The following RORA variants were observed in gnomAD, a reference collection of about 807,000 sequenced individuals.
RORA encodes RAR related orphan receptor A.
RORA carries 7 observed loss-of-function variants against 69.5 expected under a neutral mutation model. The ratio of observed to expected loss-of-function variants is 0.10; its 90% CI spans 0.06 to 0.19. RORA has a LOEUF of 0.19. Ranked by LOEUF, RORA falls within the 10% of genes least tolerant of loss-of-function variation. The probability of loss-of-function intolerance (pLI) is 1.00; values close to 1 mark genes in which losing one functional copy is unlikely to be tolerated. For missense variants in RORA, 457 were observed against 663.0 expected, an observed-to-expected ratio of 0.69 and a Z score of 3.41; for synonymous variants, 261 against 240.8, an observed-to-expected ratio of 1.08 and a Z score of -0.78.
chr15:60,509,838 T>C (rs2065636867), intron 5 of RORA, among the ~76,000 whole-genome samples: 2 of 151,966 alleles, frequency 1.3e-5, no homozygotes, highest in South Asian at 2.1e-4. Context: ...GCTTGGCTTC[T>C]AGTTCAGAGG....
At chr15:60,625,066 G>A (rs2069538656) in intron 2 of RORA, among the ~76,000 whole-genome samples, 1 of 152,078 alleles carries the variant, frequency 6.6e-6, no homozygotes, top group Non-Finnish European at 1.5e-5. Context: ...AACCACCAAA[G>A]ACTAAAACCC....
intron 1 of RORA, among the ~76,000 whole-genome samples, chr15:60,970,967 G>T (rs573228683): frequency 1.7e-4 from 26 of 152,280 alleles, no homozygotes; most frequent in Non-Finnish European, 3.4e-4. Flanking sequence ...TATAGCAGGG[G>T]TTCAACTGAC....
chr15:60,797,017 T>C (rs2072508218), intron 1 of RORA, among the ~76,000 whole-genome samples: 1 of 148,190 alleles, frequency 6.7e-6, no homozygotes, highest in African/African-American at 2.4e-5. Context: ...ATATATTTTA[T>C]TTATATATTT....
At chr15:60,838,843 A>AACACACACACACACAC (rs58762022) in intron 1 of RORA, among the ~76,000 whole-genome samples, 1 of 122,084 alleles carries the variant, frequency 8.2e-6, no homozygotes, top group African/African-American at 3.2e-5. Flanking sequence ...ACATTCATTC[A>AACACACACACACACAC]ACACACACAC....
intron 1 of RORA, among the ~76,000 whole-genome samples, chr15:61,188,780 G>T (rs1289360335): frequency 6.6e-6 from 1 of 152,142 alleles, no homozygotes; most frequent in African/African-American, 2.4e-5. Flanking sequence ...TAGCAAAGAG[G>T]GGTCTCAAAA....
rs543353825 is a variant in RORA at position 60,978,961 on chromosome 15, C to CTTTTTTTTTTTTTTTTTTTT, written c.166+250091_166+250092insAAAAAAAAAAAAAAAAAAAA. Among the ~76,000 whole-genome samples, 15 of 95,144 alleles carry CTTTTTTTTTTTTTTTTTTTT rather than the reference C, an allele frequency of 1.6e-4. 4 individuals are homozygous for CTTTTTTTTTTTTTTTTTTTT. Among genetic ancestry groups the CTTTTTTTTTTTTTTTTTTTT allele is most frequent in the African/African-American group, 3.3e-4 (8 of 24,434 alleles). 62.4% of individuals were successfully genotyped at this position (95,144 alleles called of 152,430 possible). ...GAAGTGTGAGTCCTCCAACTTTGCT[C>CTTTTTTTTTTTTTTTTTTTT]TTTTTTTTTTTTTTTTTTGAGACGG... On this transcript the variant is annotated intron_variant, in intron 1 of 10. Coordinates refer to ENST00000335670, the MANE Select transcript of RORA (RefSeq NM_134261.3).
intron 1 of RORA, among the ~76,000 whole-genome samples, chr15:60,826,476 G>A (rs1420930212): frequency 6.6e-6 from 1 of 152,144 alleles, no homozygotes; most frequent in Non-Finnish European, 1.5e-5. Context: ...GGACTATTCA[G>A]GGACTGAGGC....
intron 1 of RORA, among the ~76,000 whole-genome samples, chr15:60,702,259 T>C (rs1158928963): frequency 6.6e-6 from 1 of 152,208 alleles, no homozygotes; most frequent in East Asian, 1.9e-4. Flanking sequence ...AGAGTCTCGC[T>C]CTGTCACCCA....
intron 1 of RORA, among the ~76,000 whole-genome samples, chr15:60,695,729 C>T (rs1001189171): frequency 7.2e-5 from 11 of 152,076 alleles, no homozygotes; most frequent in South Asian, 2.1e-4. Flanking sequence ...TCCTGCCTCG[C>T]GCCCCCACGT....
intron 1 of RORA, among the ~76,000 whole-genome samples, chr15:60,817,793 C>T (rs2072838129): frequency 6.6e-6 from 1 of 152,232 alleles, no homozygotes; most frequent in South Asian, 2.1e-4. Flanking sequence ...GAGAATCATA[C>T]CTACCTGCTT....
rs144122533 is a variant in RORA at position 61,136,134 on chromosome 15, T to A, written c.166+92919A>T. 7.0e-3 allele frequency among the ~76,000 whole-genome samples: 1,063 copies of A among 152,186 alleles called. 18 individuals are homozygous for A. Among genetic ancestry groups the A allele is most frequent in the African/African-American group, 0.024 (1,001 of 41,512 alleles). On this transcript the variant is annotated intron_variant, in intron 1 of 10. Coordinates refer to ENST00000335670, the MANE Select transcript of RORA (RefSeq NM_134261.3). ...ATTTTCCACTCTTCTTGAAAGGGGG[T>A]GGAAGAGTTCCTGGCCATAGAAGCA...
chr15:60,618,320 C>G (rs1297365157), intron 2 of RORA, among the ~76,000 whole-genome samples: 1 of 152,190 alleles, frequency 6.6e-6, no homozygotes. Context: ...ACATTGCTCT[C>G]TGCTCTGACC....
intron 1 of RORA, among the ~76,000 whole-genome samples, chr15:60,794,531 T>C (rs1356921226): frequency 6.6e-6 from 1 of 152,318 alleles, no homozygotes; most frequent in East Asian, 1.9e-4. Context: ...ACTGGGTGCA[T>C]ACCACTGAGC....
intron 1 of RORA, among the ~76,000 whole-genome samples, chr15:61,188,625 C>A (rs540990647): frequency 6.6e-5 from 10 of 152,036 alleles, no homozygotes; most frequent in Non-Finnish European, 1.3e-4. Flanking sequence ...AGGAAATAAT[C>A]ATTAATGATT....
intron 1 of RORA, among the ~76,000 whole-genome samples, chr15:60,740,792 C>CCTCT (rs140404563): frequency 1.3e-5 from 2 of 151,196 alleles, no homozygotes; most frequent in African/African-American, 4.9e-5. Context: ...CTTCATAGAG[C>CCTCT]CTCTCTCTCT....
At chr15:61,040,364 T>C (rs8031673) in intron 1 of RORA, among the ~76,000 whole-genome samples, 20,794 of 151,182 alleles carry the variant, frequency 0.14, 1,793 homozygotes, top group East Asian at 0.31. Context: ...TTTGGAAGCT[T>C]TCACATGAAA....
At chr15:61,137,063 GA>G (rs1278522928) in intron 1 of RORA, among the ~76,000 whole-genome samples, 1 of 147,492 alleles carries the variant, frequency 6.8e-6, no homozygotes, top group East Asian at 2.0e-4. Flanking sequence ...AAGAAAGAAA[GA>G]AAGAAAGAAA....
At chr15:60,510,646 C>G (rs1290400929) in intron 5 of RORA, 1 of 152,446 alleles carries the variant, frequency 6.6e-6, no homozygotes, top group Non-Finnish European at 1.5e-5. Context: ...TCAGGTGGGC[C>G]CATTGAAAGG....
chr15:61,004,735 TAAG>T (rs749512832), intron 1 of RORA, among the ~76,000 whole-genome samples: 17 of 152,162 alleles, frequency 1.1e-4, no homozygotes, highest in Admixed American at 1.3e-4. Flanking sequence ...CTCAGCAACA[TAAG>T]AAGAACACAC....
Sources: gnomAD v4.1 joint callset for allele counts (sites outside exome capture counted in the v4.1 genomes callset) on GRCh38, gnomAD v4.1.1 for gene constraint, MANE v1.5 for transcripts, NCBI Gene and HGNC (gene_info 2026-07-23, HGNC 2026-07-21) for gene names.